Variants in INPP5A observed in about 807,000 individuals in gnomAD.
INPP5A encodes inositol polyphosphate-5-phosphatase A, also known as 43 kDa inositol polyphosphate 5-phophatase.
INPP5A carries 14 observed loss-of-function variants against 65.2 expected under a neutral mutation model. The ratio of observed to expected loss-of-function variants is 0.21; its 90% CI spans 0.14 to 0.34. The LOEUF is 0.34. Among genes scored for constraint, INPP5A ranks in the 10% least tolerant of loss-of-function variants. The pLI is 1.00. For synonymous variants in INPP5A, 207 were observed against 208.3 expected (o/e 0.99, Z 0.05); for missense variants, 431 against 545.6 (o/e 0.79, Z 2.09).
intron 11 of INPP5A, among the ~76,000 whole-genome samples, chr10:132,763,572 C>T (rs1846771528): frequency 6.6e-6 from 1 of 152,120 alleles, no homozygotes; most frequent in Admixed American, 6.5e-5. Flanking sequence ...TGCAAACACA[C>T]ACATGCCTGT....
chr10:132,777,297 A>G (rs1233513156), intron 12 of INPP5A, among the ~76,000 whole-genome samples: 1 of 152,230 alleles, frequency 6.6e-6, no homozygotes, highest in African/African-American at 2.4e-5. Context: ...CCAGGTCACC[A>G]GGTGGAGGAA....
At chr10:132,709,460 A>G (rs1053277999) in intron 7 of INPP5A, among the ~76,000 whole-genome samples, 4 of 151,814 alleles carry the variant, frequency 2.6e-5, no homozygotes, top group Admixed American at 2.0e-4. Context: ...GCTGAGAAGG[A>G]GCCGCGGTCC....
At chr10:132,769,913 G>A (rs1218714818) in intron 12 of INPP5A, among the ~76,000 whole-genome samples, 1 of 152,064 alleles carries the variant, frequency 6.6e-6, no homozygotes, top group African/African-American at 2.4e-5. Context: ...GCGCATCCTA[G>A]CTAGAAGTGA....
intron 4 of INPP5A, among the ~76,000 whole-genome samples, chr10:132,658,966 A>G (rs1315620355): frequency 6.6e-6 from 1 of 152,088 alleles, no homozygotes; most frequent in Non-Finnish European, 1.5e-5. Context: ...TGGGTGCTCA[A>G]CAGGCTGCCT....
intron 8 of INPP5A, among the ~76,000 whole-genome samples, chr10:132,712,891 CATGTGCCTGTAGGT>C (rs1446951565): frequency 2.2e-5 from 3 of 139,052 alleles, no homozygotes; most frequent in Admixed American, 1.4e-4. Flanking sequence ...TGTGGGTGTG[CATGTGCCTGTAGGT>C]GTGTGCATGT....
chr10:132,777,216 G>A (rs1414854728), intron 12 of INPP5A, among the ~76,000 whole-genome samples: 1 of 152,220 alleles, frequency 6.6e-6, no homozygotes, highest in Admixed American at 6.5e-5. Flanking sequence ...AGCGGCGTTG[G>A]TCAAAGCGGA....
At chr10:132,553,432 C>G (rs1415480395) in intron 1 of INPP5A, among the ~76,000 whole-genome samples, 1 of 89,254 alleles carries the variant, frequency 1.1e-5, no homozygotes, top group Non-Finnish European at 2.3e-5. Flanking sequence ...GGAGGGAGGA[C>G]TGGTGAACGC....
chr10:132,761,885 A>C (rs1181621379), intron 11 of INPP5A, among the ~76,000 whole-genome samples: 8 of 152,262 alleles, frequency 5.3e-5, no homozygotes. Context: ...TAATTGATAC[A>C]AATTATAATA....
intron 3 of INPP5A, among the ~76,000 whole-genome samples, chr10:132,646,625 A>G (rs376400573): frequency 1.1e-4 from 17 of 152,256 alleles, no homozygotes; most frequent in African/African-American, 4.1e-4. Flanking sequence ...TGTGTCCCCT[A>G]CAGTGTGGCC....
At chr10:132,703,910 C>T (rs1299075359) in intron 6 of INPP5A, among the ~76,000 whole-genome samples, 1 of 122,090 alleles carries the variant, frequency 8.2e-6, no homozygotes, top group Non-Finnish European at 1.7e-5. Flanking sequence ...GTGGCTTCAC[C>T]CCCACACACA....
At chr10:132,708,430 C>T (rs370097922) in intron 7 of INPP5A, 65 bp downstream of exon 7, 229 of 1,491,126 alleles carry the variant, frequency 1.5e-4, no homozygotes, top group Non-Finnish European at 1.9e-4. Context: ...CTTGCACCAG[C>T]GGCATGTTCC....
chr10:132,739,549 T>TG (rs1408504339), intron 9 of INPP5A, among the ~76,000 whole-genome samples: 1 of 152,210 alleles, frequency 6.6e-6, no homozygotes, highest in Non-Finnish European at 1.5e-5. Flanking sequence ...CCAGCATACT[T>TG]GGGGGTGGTG....
chr10:132,701,207 A>G (rs777837608), intron 6 of INPP5A, among the ~76,000 whole-genome samples: 5 of 152,168 alleles, frequency 3.3e-5, no homozygotes, highest in Non-Finnish European at 5.9e-5. Context: ...CCCTATTAAC[A>G]GGGGCCTGAG....
intron 9 of INPP5A, among the ~76,000 whole-genome samples, chr10:132,736,000 G>A (rs1005317417): frequency 6.6e-5 from 10 of 152,336 alleles, no homozygotes; most frequent in Non-Finnish European, 1.0e-4. Context: ...CCAGGAATGC[G>A]CAGCCTCCTG....
chr10:132,596,951 G>GCA (rs2071707040), intron 1 of INPP5A, among the ~76,000 whole-genome samples: 1 of 147,312 alleles, frequency 6.8e-6, no homozygotes, highest in African/African-American at 2.6e-5. Context: ...GTGCGTGTGT[G>GCA]CACACATGTG....
intron 2 of INPP5A, among the ~76,000 whole-genome samples, chr10:132,633,357 A>G (rs2072298582): frequency 1.3e-5 from 2 of 152,184 alleles, no homozygotes; most frequent in African/African-American, 2.4e-5. Context: ...AAAATGTCCA[A>G]TAGTAGGTCA....
chr10:132,662,783 G>A (rs187303103), intron 4 of INPP5A, among the ~76,000 whole-genome samples: 1 of 152,190 alleles, frequency 6.6e-6, no homozygotes, highest in Non-Finnish European at 1.5e-5. Flanking sequence ...CTTTCATGCT[G>A]TAGTTTAGCA....
intron 1 of INPP5A, among the ~76,000 whole-genome samples, chr10:132,540,497 T>C (rs1176733901): frequency 6.6e-6 from 1 of 152,226 alleles, no homozygotes; most frequent in Non-Finnish European, 1.5e-5. Flanking sequence ...GAAGATTTCT[T>C]AATGTGTGCA....
At chr10:132,598,924 T>C (rs1370248865) in intron 1 of INPP5A, among the ~76,000 whole-genome samples, 2 of 152,152 alleles carry the variant, frequency 1.3e-5, no homozygotes, top group Admixed American at 6.5e-5. Context: ...TTGAGACTTA[T>C]TCAGTATCAT....
Sources: gnomAD v4.1 joint callset for allele counts (sites outside exome capture counted in the v4.1 genomes callset) on GRCh38, gnomAD v4.1.1 for gene constraint, MANE v1.5 for transcripts, NCBI Gene and HGNC (gene_info 2026-07-23, HGNC 2026-07-21) for gene names.